The following NLGN1 variants were observed in gnomAD, a reference collection of about 807,000 sequenced individuals.
The protein encoded by NLGN1 is neuroligin-1.
A neutral mutation model predicts 65.5 loss-of-function variants in NLGN1; 12 were observed. That is an observed-to-expected ratio of 0.18 (90% CI 0.12 to 0.30). The LOEUF (loss-of-function observed/expected upper bound fraction) is 0.30, where lower values mean the gene tolerates loss of function less well. NLGN1 is among the 10% of genes least tolerant of loss of function. The pLI, the probability that NLGN1 is intolerant of heterozygous loss-of-function variation, is 1.00. For synonymous variants in NLGN1, 350 were observed against 359.5 expected, an observed-to-expected ratio of 0.97 and a Z score of 0.30; for missense variants, 750 against 1,007.1, an observed-to-expected ratio of 0.74 and a Z score of 3.46.
In NLGN1 at chr3:173,959,687, T is replaced by C. The variant is rs189298721; in HGVS notation, c.646+151855T>C. Among the ~76,000 whole-genome samples, 121 of 152,330 alleles carry C rather than the reference T, an allele frequency of 7.9e-4. 2 individuals carry two copies. The highest frequency in any genetic ancestry group is 2.8e-3 in the African/African-American group (118 of 41,580). On this transcript the variant is annotated intron_variant, in intron 4 of 6. Coordinates refer to ENST00000457714, the Ensembl canonical transcript of NLGN1. The stretch of plus-strand genomic sequence containing the variant: ...TTACTATGTCATTTAATTTAAGTTA[T>C]TTACATCATATGCAAAAGTGCTATT...
chr3:173,568,835 A>G (rs779502165), intron 2 of NLGN1, among the ~76,000 whole-genome samples: 3 of 152,020 alleles, frequency 2.0e-5, no homozygotes, highest in Non-Finnish European at 2.9e-5. Context: ...CACCATGCCC[A>G]GCTAATTTTT....
At chr3:174,128,804 G>A (rs73046219) in intron 4 of NLGN1, among the ~76,000 whole-genome samples, 20,604 of 152,034 alleles carry the variant, frequency 0.14, 2,342 homozygotes, top group African/African-American at 0.31. Flanking sequence ...AAAGCAACCC[G>A]AAAAGAACAT....
intron 3 of NLGN1, among the ~76,000 whole-genome samples, chr3:173,652,948 A>G (rs559423986): frequency 2.6e-5 from 4 of 152,156 alleles, no homozygotes; most frequent in East Asian, 3.9e-4. Context: ...CTTCCCTTGT[A>G]GAGATCTTTC....
At chr3:174,031,263 G>A (rs547885907) in intron 4 of NLGN1, among the ~76,000 whole-genome samples, 1 of 152,120 alleles carries the variant, frequency 6.6e-6, no homozygotes, top group Non-Finnish European at 1.5e-5. Flanking sequence ...TCTACTCTGA[G>A]CCAGGCTAAC....
intron 4 of NLGN1, among the ~76,000 whole-genome samples, chr3:173,952,925 A>G (rs1748505844): frequency 6.6e-6 from 1 of 151,780 alleles, no homozygotes; most frequent in African/African-American, 2.4e-5. Context: ...TTACAGGCAC[A>G]CAACACCCAC....
chr3:173,616,468 CTTTG>C (rs1452480773), intron 3 of NLGN1, among the ~76,000 whole-genome samples: 1 of 152,052 alleles, frequency 6.6e-6, no homozygotes, highest in Non-Finnish European at 1.5e-5. Flanking sequence ...AATATATAGA[CTTTG>C]TTTGATGGTA....
chr3:173,649,529 T>C (rs1758810699), intron 3 of NLGN1, among the ~76,000 whole-genome samples: 1 of 152,166 alleles, frequency 6.6e-6, no homozygotes, highest in South Asian at 2.1e-4. Context: ...GTCCACATTG[T>C]TATTTTAAAT....
chr3:173,885,904 C>A (rs114426178), intron 4 of NLGN1, among the ~76,000 whole-genome samples: 1,723 of 152,170 alleles, frequency 0.011, 36 homozygotes, highest in African/African-American at 0.036. Flanking sequence ...ATGAAGTGAT[C>A]ATTATGAAAA....
intron 4 of NLGN1, among the ~76,000 whole-genome samples, chr3:174,067,377 G>C (rs1249514346): frequency 6.6e-6 from 1 of 152,104 alleles, no homozygotes; most frequent in Non-Finnish European, 1.5e-5. Flanking sequence ...CAACTATTTA[G>C]AAATAGTTGA....
At chr3:173,690,935 C>T (rs1765374961) in intron 3 of NLGN1, among the ~76,000 whole-genome samples, 1 of 152,010 alleles carries the variant, frequency 6.6e-6, no homozygotes, top group Admixed American at 6.6e-5. Context: ...CGGAAAGTGC[C>T]TTAGGAGAAG....
intron 3 of NLGN1, among the ~76,000 whole-genome samples, chr3:173,699,468 A>G (rs115898806): frequency 0.011 from 1,729 of 152,306 alleles, 35 homozygotes; most frequent in African/African-American, 0.038. Context: ...AGGGCAGCCA[A>G]ATGGCCTGAT....
intron 4 of NLGN1, among the ~76,000 whole-genome samples, chr3:174,022,690 G>A (rs1046132198): frequency 1.3e-5 from 2 of 149,688 alleles, no homozygotes; most frequent in African/African-American, 5.0e-5. Context: ...TAGCCATTGG[G>A]GAAATCGTGG....
intron 4 of NLGN1, among the ~76,000 whole-genome samples, chr3:174,232,306 G>T (rs35194325): frequency 0.43 from 64,689 of 151,714 alleles, 13,952 homozygotes; most frequent in East Asian, 0.57. Context: ...TGTCATCAGT[G>T]AAGGCAGGAA....
chr3:173,589,891 AAC>A (rs1748172428), intron 2 of NLGN1, among the ~76,000 whole-genome samples: 1 of 152,176 alleles, frequency 6.6e-6, no homozygotes, highest in South Asian at 2.1e-4. Flanking sequence ...CTTTTTAAAA[AAC>A]AGTCACAATG....
In NLGN1 at chr3:173,566,552, C is replaced by T. The variant is rs1577307676; in HGVS notation, c.-320-37727C>T. On this transcript the variant is annotated intron_variant, in intron 2 of 6. Coordinates refer to ENST00000457714, the Ensembl canonical transcript of NLGN1. ...TTCTGAAATATTCTCGCTCTCTGCC[C>T]CATCTTATTTCATTAAGGCTTACTT... Among the ~76,000 whole-genome samples the T allele has an allele frequency of 2.0e-5, 3 of 151,970 alleles. No homozygotes were observed. The South Asian group carries it at 6.2e-4, about 32-fold the overall frequency.
chr3:173,965,481 C>CTTTT (rs1298101645), intron 4 of NLGN1, among the ~76,000 whole-genome samples: 1 of 134,344 alleles, frequency 7.4e-6, no homozygotes, highest in Non-Finnish European at 1.6e-5. Context: ...CCAGGCCCGG[C>CTTTT]TTTTTTTTTT....
chr3:173,861,515 CGTGTGTG>C (rs1729071534), intron 4 of NLGN1, among the ~76,000 whole-genome samples: 1 of 141,422 alleles, frequency 7.1e-6, no homozygotes, highest in South Asian at 2.3e-4. Flanking sequence ...GTAGCTGGCA[CGTGTGTG>C]TGTGTGTGTG....
chr3:173,842,387 T>G (rs1201363627), intron 4 of NLGN1, among the ~76,000 whole-genome samples: 1 of 152,060 alleles, frequency 6.6e-6, no homozygotes, highest in Non-Finnish European at 1.5e-5. Flanking sequence ...TCCCCCAATG[T>G]CTTAATTCAT....
At chr3:173,787,336 C>T (rs959013703) in intron 3 of NLGN1, among the ~76,000 whole-genome samples, 12 of 152,144 alleles carry the variant, frequency 7.9e-5, no homozygotes, top group Non-Finnish European at 1.3e-4. Context: ...CAGGACATGG[C>T]TGTTTATCTA....
Sources: allele counts gnomAD v4.1 joint callset (sites outside exome capture counted in the v4.1 genomes callset), GRCh38; gene constraint gnomAD v4.1.1; transcripts MANE v1.5; gene names NCBI Gene and HGNC (gene_info 2026-07-23, HGNC 2026-07-21).